HECTD4: variants seen among roughly 807,000 people sequenced by gnomAD.
HECTD4 encodes probable E3 ubiquitin-protein ligase HECTD4.
HECTD4 carries 114 observed loss-of-function variants against 471.5 expected under a neutral mutation model. The ratio of observed to expected loss-of-function variants is 0.24; its 90% CI spans 0.21 to 0.28. The LOEUF (loss-of-function observed/expected upper bound fraction) is 0.28, where lower values mean the gene tolerates loss of function less well. HECTD4 is among the 10% of genes least tolerant of loss of function. The pLI, the probability that HECTD4 is intolerant of heterozygous loss-of-function variation, is 1.00. For synonymous variants in HECTD4, 2,012 were observed against 2,256.0 expected (o/e 0.89, Z 3.07); for missense variants, 3,866 against 5,651.5 (o/e 0.68, Z 10.13).
chr12:112,307,952 A>G lies in HECTD4; in HGVS notation c.1164+801T>C, dbSNP rs181805115. Among the ~76,000 whole-genome samples the G allele has an allele frequency of 4.6e-4, 70 of 152,324 alleles. 3 individuals carry two copies. The highest frequency in any genetic ancestry group is 4.2e-3 in the Admixed American group (64 of 15,298). On this transcript the variant is annotated intron_variant, in intron 6 of 75. Coordinates refer to ENST00000682272, the MANE Select transcript of HECTD4 (RefSeq NM_001388303.1). The stretch of plus-strand genomic sequence containing the variant: ...TAACCTCTCTGAGCTGTATTCTTAC[A>G]CTCAACAATAAACACTTGCTGAATG...
At chr12:112,335,358 A>G (rs776502836) in intron 1 of HECTD4, among the ~76,000 whole-genome samples, 6 of 152,220 alleles carry the variant, frequency 3.9e-5, no homozygotes, top group South Asian at 2.1e-4. Context: ...GAATGACACA[A>G]TGGGGTTTGG....
chr12:112,318,571 A>G (rs1482003317), intron 2 of HECTD4, among the ~76,000 whole-genome samples: 7 of 152,070 alleles, frequency 4.6e-5, no homozygotes, highest in African/African-American at 1.4e-4. Flanking sequence ...ACAGGGTTTC[A>G]CCATGTTGGC....
chr12:112,346,705 GC>G (rs2036158128), intron 1 of HECTD4, among the ~76,000 whole-genome samples: 1 of 152,130 alleles, frequency 6.6e-6, no homozygotes, highest in African/African-American at 2.4e-5. Context: ...AATTTCTCCA[GC>G]CCCGACAGTT....
Position 112,319,423 on chromosome 12 carries a change from T to C in HECTD4, c.497A>G (p.Asn166Ser). 1 of 1,536,142 alleles carries C rather than the reference T, an allele frequency of 6.5e-7. No homozygotes were observed. The highest frequency in any genetic ancestry group is 8.7e-7 in the Non-Finnish European group (1 of 1,146,888). Residue 166 changes from asparagine to serine, a missense_variant, in exon 2 of 76, where the codon AAC becomes AGC. Around this residue, in one of 16 missense-constraint regions of HECTD4, gnomAD observed 440 missense variants for 636.0 expected, o/e 0.69. Coordinates refer to ENST00000682272, the MANE Select transcript of HECTD4 (RefSeq NM_001388303.1). This position sits in a 1 kb window ranked among gnomAD's most constrained non-coding sequence, Gnocchi z 5.3. ...SQSRTDPSLC[N>S]ITAEVLLNCL... ...GTTCAATAGCACCTCAGCAGTTATG[T>C]TACAGAGAGAGGGGTCTGTTCTACT...
chr12:112,178,238 A>G (rs1157834781), intron 64 of HECTD4, among the ~76,000 whole-genome samples: 2 of 152,116 alleles, frequency 1.3e-5, no homozygotes, highest in African/African-American at 4.8e-5. Flanking sequence ...CACCACAGTC[A>G]GCTAATTTTT....
rs1269953732 is a variant in HECTD4, at chr12:112,207,922, C to T, written c.8083G>A (p.Ala2695Thr). The T allele has an allele frequency of 6.2e-7, 1 of 1,613,870 alleles. No individual in the cohort carries two copies. Among genetic ancestry groups the T allele is most frequent in the Non-Finnish European group, 8.5e-7 (1 of 1,179,874 alleles). ...PTIRRRFRNEAERKSGLDQIK... is the reference protein window; with the variant it reads ...PTIRRRFRNETERKSGLDQIK... ...TGGTCCAGGCCCGATTTCCGCTCTG[C>T]TTCATTGCGGAAGCGTCTTCGGATG... Residue 2695 changes from alanine (A) to threonine (T), a missense_variant, in exon 52 of 76, where the codon GCA (alanine) becomes ACA (threonine). Transcript: ENST00000682272.
chr12:112,283,985 G>T, intron 7 of HECTD4, among the ~76,000 whole-genome samples: 6 of 140,798 alleles, frequency 4.3e-5, no homozygotes, highest in Admixed American at 7.3e-5. Flanking sequence ...TTTTCCACCT[G>T]GCTTTCTGTA....
intron 29 of HECTD4, among the ~76,000 whole-genome samples, chr12:112,245,137 G>T (rs2033730191): frequency 6.6e-6 from 1 of 152,100 alleles, no homozygotes. Flanking sequence ...CAAGTAGCTG[G>T]GATTACAGGT....
chr12:112,345,881 C>T (rs1242273701), intron 1 of HECTD4, among the ~76,000 whole-genome samples: 3 of 152,042 alleles, frequency 2.0e-5, no homozygotes, highest in Admixed American at 6.6e-5. Context: ...GGCGATAGAG[C>T]GAGACTCCGT....
intron 18 of HECTD4, 45 bp from the exon 19 acceptor site, chr12:112,259,310 A>G (rs1357256693): frequency 6.3e-7 from 1 of 1,599,692 alleles, no homozygotes; most frequent in South Asian, 1.1e-5. Flanking sequence ...CAATGCCCAA[A>G]CATGTGAAGA....
rs544226080 is a variant in HECTD4, at chr12:112,183,684, T to C, written c.10780-418A>G. Among the ~76,000 whole-genome samples, 22 of 152,340 alleles carry C rather than the reference T, an allele frequency of 1.4e-4. 1 individual carries two copies. The South Asian group carries it at 4.1e-3, about 29-fold the overall frequency. On this transcript the variant is annotated intron_variant, in intron 61 of 75. Transcript: ENST00000682272. ...ATGTCAGTTCCCTACCTTACTGTTA[T>C]GCAAAAGCACAGAAAGGCTCTGATG...
At chr12:112,165,957 C>T (rs757428392) in intron 72 of HECTD4, among the ~76,000 whole-genome samples, 23 of 152,296 alleles carry the variant, frequency 1.5e-4, no homozygotes, top group East Asian at 9.6e-4. Context: ...ACCCCTTCAC[C>T]GCAGACACTC....
intron 37 of HECTD4, among the ~76,000 whole-genome samples, chr12:112,233,458 A>G (rs1213061301): frequency 6.6e-6 from 1 of 151,996 alleles, no homozygotes. Context: ...CCTGGGCTCA[A>G]GCCATCCTCC....
chr12:112,261,583 T>C, intron 17 of HECTD4, 154 bp from the exon 18 acceptor site: 2 of 746,486 alleles, frequency 2.7e-6, no homozygotes, highest in South Asian at 2.3e-5. Flanking sequence ...CTAGAAATAA[T>C]GAGGTGGCCA....
chr12:112,329,390 CAG>C (rs2035805581), intron 1 of HECTD4, among the ~76,000 whole-genome samples: 2 of 132,294 alleles, frequency 1.5e-5, no homozygotes, highest in Non-Finnish European at 3.1e-5. Context: ...TTTTTTTTAA[CAG>C]AGTCTCGCTC....
rs2030816637 is a variant in HECTD4 at position 112,163,964 on chromosome 12, C to G, written c.12701+145G>C. Reference sequence around the variant, plus strand: ...ACCCTCTTTCTTGGCACCCACCATCCTGCCTCATCTCCCTCTCCTGGTGAA... The same window carrying G: ...ACCCTCTTTCTTGGCACCCACCATCGTGCCTCATCTCCCTCTCCTGGTGAA... On this transcript the variant is annotated intron_variant, in intron 73 of 75. Transcript: ENST00000682272. This position sits in a 1 kb window ranked among gnomAD's most constrained non-coding sequence, Gnocchi z 8.2. 1.1e-6 allele frequency: 1 copy of G among 949,984 alleles called. No individual in the cohort carries two copies. The highest frequency in any genetic ancestry group is 3.4e-5 in the Admixed American group (1 of 29,754). The allele number at this position is 949,984 out of a possible 1,614,324, so 58.8% of individuals were successfully genotyped here. A position where few individuals can be genotyped will look rare whatever the true frequency, so the allele number is the denominator to read the frequency against.
intron 9 of HECTD4, among the ~76,000 whole-genome samples, chr12:112,276,224 A>G (rs533895777): frequency 5.4e-4 from 82 of 152,314 alleles, no homozygotes; most frequent in African/African-American, 1.9e-3. Flanking sequence ...TGTTGCACTA[A>G]AGCAGAATCA....
intron 7 of HECTD4, among the ~76,000 whole-genome samples, chr12:112,290,836 G>A (rs2034862240): frequency 8.4e-6 from 1 of 118,740 alleles, no homozygotes; most frequent in Non-Finnish European, 1.6e-5. Context: ...CAACAAGAGC[G>A]AAACTCCGTC....
intron 58 of HECTD4, 133 bp from the exon 59 acceptor site, chr12:112,192,898 C>T (rs780524385): frequency 1.7e-6 from 2 of 1,206,866 alleles, no homozygotes; most frequent in Non-Finnish European, 2.3e-6. Flanking sequence ...TTTGGAAGGT[C>T]ATTCTTTATA....
Sources: gnomAD v4.1 joint callset for allele counts (sites outside exome capture counted in the v4.1 genomes callset) on GRCh38, gnomAD v4.1.1 for gene constraint, gnomAD v4.1.1 regional missense constraint, Gnocchi (gnomAD v3.1) non-coding constraint, MANE v1.5 for transcripts, NCBI Gene and HGNC (gene_info 2026-07-23, HGNC 2026-07-21) for gene names.